Variants in TENM3 observed in about 807,000 individuals in gnomAD.
TENM3 encodes the protein teneurin transmembrane protein 3.
A neutral mutation model predicts 255.1 loss-of-function variants in TENM3; 63 were observed. The ratio of observed to expected loss-of-function variants is 0.25; its 90% CI spans 0.20 to 0.30. TENM3 has a LOEUF of 0.30. Among genes scored for constraint, TENM3 ranks in the 10% least tolerant of loss-of-function variants. TENM3 has a pLI of 1.00. For synonymous variants in TENM3, 1,306 were observed against 1,322.3 expected (o/e 0.99, Z 0.27); for missense variants, 2,929 against 3,461.1 (o/e 0.85, Z 3.86).
chr4:182,650,889 A>AAAATATATATATATATATATATATATAT (rs1281790163), intron 5 of TENM3, among the ~76,000 whole-genome samples: 4 of 29,760 alleles, frequency 1.3e-4, no homozygotes, highest in African/African-American at 2.4e-4. Context: ...AATAAAAAAA[A>AAAATATATATATATATATATATATATAT]ATATATATAT....
intron 1 of TENM3, among the ~76,000 whole-genome samples, chr4:182,306,182 GTTTC>G (rs1029806751): frequency 6.6e-6 from 1 of 152,000 alleles, no homozygotes; most frequent in African/African-American, 2.4e-5. Flanking sequence ...TTGAAAGATA[GTTTC>G]TTTCTTTCTT....
chr4:182,268,188 A>G (rs986796547), intron 1 of TENM3, among the ~76,000 whole-genome samples: 2 of 152,170 alleles, frequency 1.3e-5, no homozygotes, highest in African/African-American at 2.4e-5. Flanking sequence ...TACTCTTTGT[A>G]TAGGAATACA....
At chr4:181,965,593 A>T in the TENM3 span, among the ~76,000 whole-genome samples, 1 of 152,102 alleles carries the variant, frequency 6.6e-6, no homozygotes, top group Admixed American at 6.6e-5. Context: ...CTTACCCCCA[A>T]TAAGTACTTA....
intron 3 of TENM3, among the ~76,000 whole-genome samples, chr4:182,573,921 A>G (rs1744665093): frequency 6.6e-6 from 1 of 152,180 alleles, no homozygotes; most frequent in African/African-American, 2.4e-5. Context: ...AGAGCAGAAA[A>G]TGTATATTTT....
chr4:182,670,384 G>A (rs751977124), intron 6 of TENM3, among the ~76,000 whole-genome samples: 1 of 152,160 alleles, frequency 6.6e-6, no homozygotes, highest in African/African-American at 2.4e-5. Context: ...AAGAAGAGAG[G>A]AAGGGAGATT....
At chr4:182,460,579 G>A (rs1370348724) in intron 3 of TENM3, among the ~76,000 whole-genome samples, 1 of 152,142 alleles carries the variant, frequency 6.6e-6, no homozygotes, top group East Asian at 1.9e-4. Context: ...AGGGGTGATA[G>A]TGGTGTTTAG....
At chr4:181,922,652 T>C in the TENM3 span, among the ~76,000 whole-genome samples, 1 of 152,172 alleles carries the variant, frequency 6.6e-6, no homozygotes, top group Non-Finnish European at 1.5e-5. Flanking sequence ...TTGCTAGCAG[T>C]CTATCAATTT....
chr4:182,738,365 G>T (rs540842688), intron 17 of TENM3, 36 bp from the exon 18 acceptor site: 3 of 1,528,270 alleles, frequency 2.0e-6, no homozygotes, highest in South Asian at 2.6e-5. Flanking sequence ...TCCCCCAGTC[G>T]TTGGAAAGAT....
chr4:181,486,090 C>T, the TENM3 span, among the ~76,000 whole-genome samples: 74 of 152,070 alleles, frequency 4.9e-4, no homozygotes, highest in Non-Finnish European at 5.9e-5. Flanking sequence ...GCAAAAATAT[C>T]TTTCTTTTCT....
At chr4:181,953,461 C>T in the TENM3 span, among the ~76,000 whole-genome samples, 1 of 152,122 alleles carries the variant, frequency 6.6e-6, no homozygotes, top group Admixed American at 6.5e-5. Context: ...TGTTAATCCC[C>T]AGGCTGTCCT....
chr4:182,128,957 A>G, the TENM3 span, among the ~76,000 whole-genome samples: 2 of 152,172 alleles, frequency 1.3e-5, no homozygotes, highest in Non-Finnish European at 2.9e-5. Context: ...ACTCAAATTA[A>G]TTCTGTCATC....
chr4:181,782,403 T>G, the TENM3 span, among the ~76,000 whole-genome samples: 1 of 152,224 alleles, frequency 6.6e-6, no homozygotes, highest in Non-Finnish European at 1.5e-5. Context: ...CTAGTTTATT[T>G]GCATAGAGTT....
chr4:181,952,579 CTTGTG>C, the TENM3 span, among the ~76,000 whole-genome samples: 1 of 152,196 alleles, frequency 6.6e-6, no homozygotes, highest in Non-Finnish European at 1.5e-5. Flanking sequence ...TTCATTAGGC[CTTGTG>C]CTAGGCCCAT....
At chr4:181,919,719 A>AT in the TENM3 span, among the ~76,000 whole-genome samples, 4 of 151,062 alleles carry the variant, frequency 2.6e-5, no homozygotes, top group African/African-American at 7.3e-5. Context: ...ATACAGAAAA[A>AT]TTTTTTTTTA....
the TENM3 span, among the ~76,000 whole-genome samples, chr4:181,809,782 G>T: frequency 6.6e-6 from 1 of 152,078 alleles, no homozygotes; most frequent in African/African-American, 2.4e-5. Context: ...CTTATAAGCA[G>T]GAAGCAAGAA....
At chr4:181,550,672 G>C in the TENM3 span, among the ~76,000 whole-genome samples, 1 of 152,162 alleles carries the variant, frequency 6.6e-6, no homozygotes, top group Non-Finnish European at 1.5e-5. Flanking sequence ...AATGGATATT[G>C]AAAGATAGCC....
At chr4:181,789,849 C>G in the TENM3 span, among the ~76,000 whole-genome samples, 7 of 152,126 alleles carry the variant, frequency 4.6e-5, no homozygotes, top group Non-Finnish European at 1.0e-4. Flanking sequence ...ATGCCACCCC[C>G]TCCCCGGTAC....
the TENM3 span, among the ~76,000 whole-genome samples, chr4:181,840,245 T>A: frequency 6.6e-6 from 1 of 152,094 alleles, no homozygotes; most frequent in Non-Finnish European, 1.5e-5. Flanking sequence ...TTCCCTTGAT[T>A]TTTTCTTTTT....
chr4:181,680,354 C>CT, the TENM3 span, among the ~76,000 whole-genome samples: 1 of 152,120 alleles, frequency 6.6e-6, no homozygotes, highest in Middle Eastern at 3.4e-3. Context: ...TTTAAGTCAT[C>CT]TTTCTAAAAA....
Sources: allele counts gnomAD v4.1 joint callset (sites outside exome capture counted in the v4.1 genomes callset), GRCh38; gene constraint gnomAD v4.1.1; transcripts MANE v1.5; gene names NCBI Gene and HGNC (gene_info 2026-07-23, HGNC 2026-07-21).